AUTS2: variants seen among roughly 807,000 people sequenced by gnomAD.
The protein encoded by AUTS2 is autism susceptibility gene 2 protein.
In AUTS2, 17 loss-of-function variants were observed where a neutral mutation model predicts 112.4. That is an observed-to-expected ratio of 0.15 (90% CI 0.10 to 0.23). The LOEUF (loss-of-function observed/expected upper bound fraction) is 0.23, where lower values mean the gene tolerates loss of function less well. Ranked by LOEUF, AUTS2 falls within the 10% of genes least tolerant of loss-of-function variation. The pLI, the probability that AUTS2 is intolerant of heterozygous loss-of-function variation, is 1.00. For synonymous variants in AUTS2, 751 were observed against 702.7 expected (o/e 1.07, Z -1.09); for missense variants, 1,510 against 1,701.6 (o/e 0.89, Z 1.98).
chr7:70,166,258 A>G (rs1295301438), intron 4 of AUTS2, among the ~76,000 whole-genome samples: 13 of 152,214 alleles, frequency 8.5e-5, no homozygotes, highest in Admixed American at 8.5e-4. Context: ...CCATGAGCAA[A>G]TAATTTATTT....
intron 2 of AUTS2, among the ~76,000 whole-genome samples, chr7:69,950,911 G>C (rs1219823445): frequency 6.6e-6 from 1 of 152,076 alleles, no homozygotes; most frequent in African/African-American, 2.4e-5. Flanking sequence ...GAGGTGAGCA[G>C]ATCGCTTGAG....
intron 4 of AUTS2, among the ~76,000 whole-genome samples, chr7:70,316,673 A>G (rs1790013752): frequency 6.6e-6 from 1 of 152,162 alleles, no homozygotes; most frequent in Admixed American, 6.5e-5. Context: ...TGCTTGGATT[A>G]CAGGTGTGAG....
Position 70,792,758 on chromosome 7 carries a change from C to G in AUTS2, c.*1762C>G, listed in dbSNP as rs1295520351. ...TATCCTGTATGTAATAAAGTCCTTT[C>G]TAGATCCTATGTGAAAAGAAAAGTG... On this transcript the variant is annotated 3_prime_UTR_variant, in exon 19 of 19. Transcript: ENST00000342771. The G allele has an allele frequency of 4.6e-5, 7 of 152,450 alleles. No homozygotes were observed. Among genetic ancestry groups the G allele is most frequent in the Admixed American group, 6.6e-5 (1 of 15,250 alleles). 9.4% of individuals were successfully genotyped at this position (152,450 alleles called of 1,614,324 possible). A position where few individuals can be genotyped will look rare whatever the true frequency, so the allele number is the denominator to read the frequency against.
intron 2 of AUTS2, among the ~76,000 whole-genome samples, chr7:70,043,024 A>T (rs1435405056): frequency 6.6e-6 from 1 of 152,178 alleles, no homozygotes; most frequent in Non-Finnish European, 1.5e-5. Flanking sequence ...CACTAAAAAA[A>T]AAAAAAAAAC....
At chr7:70,618,903 C>G (rs1478044834) in intron 5 of AUTS2, among the ~76,000 whole-genome samples, 1 of 152,242 alleles carries the variant, frequency 6.6e-6, no homozygotes, top group Non-Finnish European at 1.5e-5. Flanking sequence ...GGGTTTGATC[C>G]TCTTCTCCAC....
intron 2 of AUTS2, among the ~76,000 whole-genome samples, chr7:69,970,427 G>A (rs575987157): frequency 1.3e-5 from 2 of 152,274 alleles, no homozygotes; most frequent in South Asian, 2.1e-4. Context: ...CTAAAGTATA[G>A]TTAATTTCTT....
At chr7:69,667,257 T>C (rs1392892187) in intron 1 of AUTS2, among the ~76,000 whole-genome samples, 1 of 152,202 alleles carries the variant, frequency 6.6e-6, no homozygotes, top group African/African-American at 2.4e-5. Context: ...TCTCTCCATG[T>C]TGCTACATTG....
chr7:70,424,605 T>C (rs1357733707), intron 4 of AUTS2, among the ~76,000 whole-genome samples: 1 of 152,098 alleles, frequency 6.6e-6, no homozygotes, highest in East Asian at 1.9e-4. Context: ...TTGTTTGTTT[T>C]GGACAGGGTC....
intron 2 of AUTS2, among the ~76,000 whole-genome samples, chr7:69,917,289 CTTTTTTTTTT>C (rs11313164): frequency 1.5e-5 from 2 of 133,298 alleles, no homozygotes; most frequent in Admixed American, 7.5e-5. Context: ...CTTTTTTTTT[CTTTTTTTTTT>C]TTTTTGGTGC....
At chr7:70,557,891 G>A (rs1027264919) in intron 5 of AUTS2, among the ~76,000 whole-genome samples, 2 of 152,184 alleles carry the variant, frequency 1.3e-5, no homozygotes, top group Non-Finnish European at 2.9e-5. Flanking sequence ...GGTCTGTGCA[G>A]GGCTCACAGG....
At chr7:70,566,161 A>G (rs1419960080) in intron 5 of AUTS2, among the ~76,000 whole-genome samples, 2 of 152,236 alleles carry the variant, frequency 1.3e-5, no homozygotes, top group Non-Finnish European at 2.9e-5. Context: ...ACTCTAATTC[A>G]GCCTCTGCCA....
At chr7:70,500,833 C>T (rs926105617) in intron 5 of AUTS2, among the ~76,000 whole-genome samples, 6 of 152,034 alleles carry the variant, frequency 3.9e-5, no homozygotes, top group Non-Finnish European at 8.8e-5. Context: ...GCGATTCTCC[C>T]GCCTCAGCCT....
intron 1 of AUTS2, among the ~76,000 whole-genome samples, chr7:69,678,700 C>G (rs1245023211): frequency 6.6e-6 from 1 of 152,140 alleles, no homozygotes; most frequent in Non-Finnish European, 1.5e-5. Flanking sequence ...AGAGCTGTGA[C>G]AGATATATTG....
At chr7:69,987,603 C>T (rs1228642353) in intron 2 of AUTS2, among the ~76,000 whole-genome samples, 2 of 152,030 alleles carry the variant, frequency 1.3e-5, no homozygotes, top group Non-Finnish European at 2.9e-5. Flanking sequence ...GTAGCCGGGA[C>T]TACAGGTGTG....
At chr7:69,995,786 T>A (rs1344896808) in intron 2 of AUTS2, among the ~76,000 whole-genome samples, 2 of 152,168 alleles carry the variant, frequency 1.3e-5, no homozygotes, top group South Asian at 2.1e-4. Flanking sequence ...TTCTGTATGA[T>A]CATGCTTGAC....
intron 2 of AUTS2, among the ~76,000 whole-genome samples, chr7:69,977,249 A>G (rs1798098458): frequency 6.6e-6 from 1 of 152,104 alleles, no homozygotes; most frequent in Non-Finnish European, 1.5e-5. Context: ...TTGTTTAACC[A>G]TGTATGTGAA....
chr7:70,222,385 G>T (rs1411387697), intron 4 of AUTS2, among the ~76,000 whole-genome samples: 4 of 152,192 alleles, frequency 2.6e-5, no homozygotes, highest in African/African-American at 7.2e-5. Context: ...ATAGAACATA[G>T]GAGTAGAGAA....
chr7:70,130,132 A>G (rs1034926201), intron 3 of AUTS2, among the ~76,000 whole-genome samples: 1 of 152,120 alleles, frequency 6.6e-6, no homozygotes. Context: ...GTGGGTAGCC[A>G]GGAATGTTGA....
At position 70,766,791 on chromosome 7, in the gene AUTS2, G is replaced by A. The variant is rs1194963574; in HGVS notation, c.1689+457G>A. 2.0e-5 allele frequency among the ~76,000 whole-genome samples: 3 copies of A among 152,182 alleles called. No individual in the cohort carries two copies. Among genetic ancestry groups the A allele is most frequent in the Non-Finnish European group, 4.4e-5 (3 of 68,038 alleles). Reference sequence around the variant, plus strand: ...TGCCAGGAGGCTGGGACTGCATTGGGTGCCACCTGTGCATTCCGATGGCTT... The same window carrying A: ...TGCCAGGAGGCTGGGACTGCATTGGATGCCACCTGTGCATTCCGATGGCTT... On this transcript the variant is annotated intron_variant, in intron 9 of 18. Transcript: ENST00000342771. This position sits in a 1 kb window ranked among gnomAD's most constrained non-coding sequence, Gnocchi z 4.8.
Sources: gnomAD v4.1 joint callset for allele counts (sites outside exome capture counted in the v4.1 genomes callset) on GRCh38, gnomAD v4.1.1 for gene constraint, Gnocchi (gnomAD v3.1) non-coding constraint, MANE v1.5 for transcripts, NCBI Gene and HGNC (gene_info 2026-07-23, HGNC 2026-07-21) for gene names.